The following PPP1R37 variants were observed in gnomAD, a reference collection of about 807,000 sequenced individuals.
PPP1R37 encodes protein phosphatase 1 regulatory subunit 37, also known as leucine rich repeat containing 68.
Under a neutral mutation model 61.0 loss-of-function variants are expected in PPP1R37, and 21 were observed. The observed-to-expected ratio is 0.34, with a 90% CI of 0.24 to 0.50. PPP1R37 has a LOEUF of 0.50. Ranked by LOEUF, PPP1R37 falls within the 20% of genes least tolerant of loss-of-function variation. The pLI, the probability that PPP1R37 is intolerant of heterozygous loss-of-function variation, is 0.98. For synonymous variants in PPP1R37, 443 were observed against 433.5 expected (o/e 1.02, Z -0.27); for missense variants, 910 against 952.7 (o/e 0.96, Z 0.59).
rs1276771924 is a variant in PPP1R37, at chr19:45,121,080, G to A, written c.203-17434G>A. Among the ~76,000 whole-genome samples the A allele has an allele frequency of 1.3e-5, 2 of 152,210 alleles. No individual in the cohort carries two copies. Among genetic ancestry groups the A allele is most frequent in the South Asian group, 2.1e-4 (1 of 4,830 alleles). On this transcript the variant is annotated intron_variant, in intron 1 of 12. Coordinates refer to ENST00000221462, the MANE Select transcript of PPP1R37 (RefSeq NM_019121.2). The surrounding 1 kb of genome is among the most constrained non-coding windows in gnomAD (Gnocchi z 4.2). ...GGAAACGAGATCGAGTTTGTCAATC[G>A]CTTAGTTTTGGGAGTGGGCGCAAAG...
Position 45,120,271 on chromosome 19 carries a change from C to T in PPP1R37, c.203-18243C>T, listed in dbSNP as rs562226235. Among the ~76,000 whole-genome samples, 20 of 152,298 alleles carry T rather than the reference C, an allele frequency of 1.3e-4. No individual in the cohort carries two copies. The South Asian group carries it at 1.4e-3, about 11-fold the overall frequency. On this transcript the variant is annotated intron_variant, in intron 1 of 12. Coordinates refer to ENST00000221462, the MANE Select transcript of PPP1R37 (RefSeq NM_019121.2). ...TGACCTTGTGATCCGCCCACCTTAG[C>T]CTCCCAAAGTGCTGGGATTAGAGGC...
Position 45,142,179 on chromosome 19 carries a change from C to A in PPP1R37, c.686C>A (p.Ala229Asp), listed in dbSNP as rs1028406824. Reference sequence around the variant, plus strand: ...CTGGCAGTGCTGCACTTGGAGAACGCCAGCCTGTCGGGGCGGCCCCTCATG... The same window carrying A: ...CTGGCAGTGCTGCACTTGGAGAACGACAGCCTGTCGGGGCGGCCCCTCATG... Reference protein sequence around the residue: ...SSLAVLHLENASLSGRPLMLL... With the variant: ...SSLAVLHLENDSLSGRPLMLL... Residue 229 changes from alanine (A) to aspartate (D), a missense_variant, in exon 6 of 13, where the codon GCC becomes GAC. Around this residue, in one of 3 missense-constraint regions of PPP1R37, gnomAD observed 280 missense variants for 382.2 expected, o/e 0.73. Transcript: ENST00000221462. 2 of 1,535,166 alleles carry A rather than the reference C, an allele frequency of 1.3e-6. No homozygotes were observed. Among genetic ancestry groups the A allele is most frequent in the African/African-American group, 2.7e-5 (2 of 73,038 alleles).
intron 1 of PPP1R37, among the ~76,000 whole-genome samples, chr19:45,104,792 C>G (rs1231602641): frequency 1.3e-5 from 2 of 152,142 alleles, no homozygotes; most frequent in African/African-American, 4.8e-5. Context: ...TTGCCATGCT[C>G]TTGCTGGGTT....
chr19:45,143,487 C>T, intron 7 of PPP1R37, 34 bp from the exon 8 acceptor site: 3 of 1,364,620 alleles, frequency 2.2e-6, no homozygotes, highest in Non-Finnish European at 3.0e-6. Context: ...GCACCCGGAC[C>T]CCAGACAGGG....
intron 1 of PPP1R37, among the ~76,000 whole-genome samples, chr19:45,101,460 G>A (rs1216658097): frequency 1.3e-5 from 2 of 152,220 alleles, no homozygotes; most frequent in Non-Finnish European, 2.9e-5. Flanking sequence ...GCTCACGCCT[G>A]TCATCCCAGC....
chr19:45,109,841 G>T (rs999405002), intron 1 of PPP1R37, among the ~76,000 whole-genome samples: 1 of 152,150 alleles, frequency 6.6e-6, no homozygotes, highest in Non-Finnish European at 1.5e-5. Flanking sequence ...TTGCCCTGAG[G>T]ATCTGTCGCC....
chr19:45,126,455 G>C (rs1025463810), intron 1 of PPP1R37, among the ~76,000 whole-genome samples: 6 of 152,154 alleles, frequency 3.9e-5, no homozygotes, highest in African/African-American at 9.7e-5. Context: ...GAACCCAGGC[G>C]CCTGGCTTCG....
At chr19:45,124,456 C>T (rs1024307165) in intron 1 of PPP1R37, among the ~76,000 whole-genome samples, 4 of 152,050 alleles carry the variant, frequency 2.6e-5, no homozygotes, top group African/African-American at 9.7e-5. Flanking sequence ...CAAGAGAGGT[C>T]CAGATTTTTT....
In PPP1R37 at chr19:45,098,976, G is replaced by A. The variant is rs778745327; in HGVS notation, c.202+5449G>A. ...CTTTGGCGATTGTTCTCTCTGCCTCGATTTTTCTGTGTCTAAAATGCAGCA... is the reference window on the plus strand; with the variant it reads ...CTTTGGCGATTGTTCTCTCTGCCTCAATTTTTCTGTGTCTAAAATGCAGCA... On this transcript the variant is annotated intron_variant, in intron 1 of 12. Transcript: ENST00000221462. Among the ~76,000 whole-genome samples the A allele has an allele frequency of 2.0e-5, 3 of 152,102 alleles. No individual in the cohort carries two copies. The South Asian group carries it at 6.2e-4, about 31-fold the overall frequency.
intron 1 of PPP1R37, among the ~76,000 whole-genome samples, chr19:45,123,614 C>T (rs1968367224): frequency 1.3e-5 from 2 of 152,056 alleles, no homozygotes; most frequent in African/African-American, 4.8e-5. Context: ...CCCTCTGTAG[C>T]GTGGTAGAGG....
intron 8 of PPP1R37, 120 bp from the exon 9 acceptor site, chr19:45,144,734 C>T: frequency 6.2e-6 from 5 of 812,174 alleles, no homozygotes; most frequent in Non-Finnish European, 9.3e-6. Context: ...TTCACGCAGG[C>T]GCGCGAAAGA....
intron 1 of PPP1R37, among the ~76,000 whole-genome samples, chr19:45,106,206 G>A (rs1968128098): frequency 6.6e-6 from 1 of 151,786 alleles, no homozygotes. Context: ...GGCTCCTGCT[G>A]CTCTCCTCGG....
At chr19:45,116,566 G>A (rs551170887) in intron 1 of PPP1R37, among the ~76,000 whole-genome samples, 11 of 152,298 alleles carry the variant, frequency 7.2e-5, no homozygotes, top group African/African-American at 1.7e-4. Flanking sequence ...GGGAAGGACC[G>A]GCCATCCCAG....
In PPP1R37 at chr19:45,146,242, G is replaced by A. The variant is rs1329404923; in HGVS notation, c.1994-148G>A. On this transcript the variant is annotated intron_variant, in intron 11 of 12. Coordinates refer to ENST00000221462, the MANE Select transcript of PPP1R37 (RefSeq NM_019121.2). ...TGGGAGCTCTTCCTGGGGTGGGGGG[G>A]CATGTAAGGTGTGCTGCCTTGAGCC... 7 of 888,144 alleles carry A rather than the reference G, an allele frequency of 7.9e-6. No homozygotes were observed. In the South Asian group the frequency reaches 8.8e-5, roughly 11 times the overall value. 55.0% of individuals were successfully genotyped at this position (888,144 alleles called of 1,614,324 possible).
chr19:45,146,412 G>A lies in PPP1R37; in HGVS notation c.2016G>A (p.Glu672=), dbSNP rs987239426. 6.5e-7 allele frequency: 1 copy of A among 1,535,914 alleles called. No homozygotes were observed. Among genetic ancestry groups the A allele is most frequent in the Non-Finnish European group, 8.7e-7 (1 of 1,146,810 alleles). ...LEHELSCSKN[E]KELEELLLEA... ...CAGAACTGAGCTGCTCCAAGAACGA[G>A]AAGGAGCTCGAGGAGCTGCTTCTGG... Residue 672 remains glutamate (E), a synonymous_variant, in exon 12 of 13, where the codon GAG becomes GAA. Coordinates refer to ENST00000221462, the MANE Select transcript of PPP1R37 (RefSeq NM_019121.2).
chr19:45,101,887 A>C (rs1968068432), intron 1 of PPP1R37, among the ~76,000 whole-genome samples: 3 of 152,190 alleles, frequency 2.0e-5, no homozygotes, highest in African/African-American at 7.2e-5. Context: ...ACTTGACTTC[A>C]TTGACTTCTT....
rs1968672362 is a variant in PPP1R37, at chr19:45,145,200, C to T, written c.1236C>T (p.Ala412=). The T allele has an allele frequency of 3.9e-6, 6 of 1,535,222 alleles. No homozygotes were observed. The East Asian group carries it at 9.8e-5, about 25-fold the overall frequency. Residue 412 remains alanine (A), a synonymous_variant, in exon 10 of 13, where the codon GCC becomes GCT. Transcript: ENST00000221462. The part of the protein sequence containing the change: ...KTGGLMALSL[A]LKVNHSLLRL... The stretch of plus-strand genomic sequence containing the variant: ...GCGGGCTCATGGCACTGTCGTTGGC[C>T]CTCAAGGTGAACCACTCACTGCTGC...
rs1568452341 is a variant in PPP1R37 at position 45,145,544 on chromosome 19, C to A, written c.1488C>A (p.Ala496=). Residue 496 remains alanine (A), a synonymous_variant, in exon 11 of 13, where the codon GCC becomes GCA. Transcript: ENST00000221462. ...CCGCCGCTGGGGTGCAGAACGGGGC[C>A]CCCAGCCCCGCACCCAGCCCGGACT... ...DEPAAGVQNG[A]PSPAPSPDSD... The A allele has an allele frequency of 3.3e-6, 5 of 1,534,868 alleles. No individual in the cohort carries two copies. Among genetic ancestry groups the A allele is most frequent in the Non-Finnish European group, 2.6e-6 (3 of 1,146,422 alleles).
rs1423895896 is a variant in PPP1R37 at position 45,146,495 on chromosome 19, G to T, written c.*8+15G>T. Reference sequence around the variant, plus strand: ...TGACACTTTAGGTGAGGCCAGGCCCGGGGCCCACAGCACTCGGGAGGAGCT... The same window carrying T: ...TGACACTTTAGGTGAGGCCAGGCCCTGGGCCCACAGCACTCGGGAGGAGCT... On this transcript the variant is annotated intron_variant, in intron 12 of 12. Coordinates refer to ENST00000221462, the MANE Select transcript of PPP1R37 (RefSeq NM_019121.2). 1.3e-6 allele frequency: 2 copies of T among 1,512,342 alleles called. No individual in the cohort carries two copies. The highest frequency in any genetic ancestry group is 8.9e-7 in the Non-Finnish European group (1 of 1,125,974). 93.7% of individuals were successfully genotyped at this position (1,512,342 alleles called of 1,614,324 possible).
Sources: gnomAD v4.1 joint callset for allele counts (sites outside exome capture counted in the v4.1 genomes callset) on GRCh38, gnomAD v4.1.1 for gene constraint, gnomAD v4.1.1 regional missense constraint, Gnocchi (gnomAD v3.1) non-coding constraint, MANE v1.5 for transcripts, NCBI Gene and HGNC (gene_info 2026-07-23, HGNC 2026-07-21) for gene names.